SGK3: variants seen among roughly 807,000 people sequenced by gnomAD.
The protein encoded by SGK3 is serum/glucocorticoid regulated kinase family member 3, also known as serine/threonine-protein kinase Sgk3.
A neutral mutation model predicts 68.5 loss-of-function variants in SGK3; 47 were observed. The observed-to-expected ratio is 0.69, with a 90% confidence interval of 0.54 to 0.87. The LOEUF (loss-of-function observed/expected upper bound fraction) is 0.87, where lower values mean the gene tolerates loss of function less well. Among genes scored for constraint, SGK3 ranks in the 40% least tolerant of loss-of-function variants. SGK3 has a pLI of 0.00. For synonymous variants in SGK3, 181 were observed against 189.1 expected, an observed-to-expected ratio of 0.96 and a Z score of 0.35; for missense variants, 479 against 575.5, an observed-to-expected ratio of 0.83 and a Z score of 1.72.
intron 13 of SGK3, among the ~76,000 whole-genome samples, chr8:66,841,628 A>G (rs145410432): frequency 2.0e-5 from 3 of 152,324 alleles, no homozygotes; most frequent in Admixed American, 6.5e-5. Flanking sequence ...ACACTTGACT[A>G]TATCTCAGTT....
chr8:66,844,408 T>C (rs1043869374), intron 14 of SGK3, among the ~76,000 whole-genome samples: 1 of 152,196 alleles, frequency 6.6e-6, no homozygotes, highest in Non-Finnish European at 1.5e-5. Context: ...TTTGCCCAGT[T>C]CTTATTTAGT....
chr8:66,715,557 C>A (rs1054450981), intron 1 of SGK3, among the ~76,000 whole-genome samples: 4 of 152,174 alleles, frequency 2.6e-5, no homozygotes, highest in Admixed American at 1.3e-4. Context: ...CTGGCCACAG[C>A]TTTCTTATCT....
In SGK3 at chr8:66,800,383, T is replaced by C. The variant is rs1428783294; in HGVS notation, c.180+1758T>C. On this transcript the variant is annotated intron_variant, in intron 3 of 16. Transcript: ENST00000521198. ...GGGGGGGGAGTTTTTTCATTTCTTT[T>C]TTTTTTTTTTTTTTTATTATACTTT... 2.0e-4 allele frequency among the ~76,000 whole-genome samples: 29 copies of C among 146,696 alleles called. No individual in the cohort carries two copies. In the South Asian group the frequency reaches 2.3e-3, roughly 12 times the overall value.
intron 4 of SGK3, among the ~76,000 whole-genome samples, chr8:66,807,304 A>C (rs147494395): frequency 0.011 from 1,662 of 152,272 alleles, 35 homozygotes; most frequent in African/African-American, 0.037. Flanking sequence ...ATGAGACTTG[A>C]ACTTGGGTTG....
At chr8:66,854,808 G>GTCC (rs1447598534) in intron 16 of SGK3, among the ~76,000 whole-genome samples, 1 of 152,096 alleles carries the variant, frequency 6.6e-6, no homozygotes, top group Non-Finnish European at 1.5e-5. Flanking sequence ...ATTGTGTTAG[G>GTCC]TCCTTGATAT....
intron 1 of SGK3, among the ~76,000 whole-genome samples, chr8:66,778,355 G>C (rs1462132406): frequency 6.6e-6 from 1 of 152,150 alleles, no homozygotes; most frequent in African/African-American, 2.4e-5. Context: ...GTGAAGTGGT[G>C]GCGCGATCTC....
intron 1 of SGK3, chr8:66,790,809 C>T (rs768223981): frequency 6.6e-6 from 1 of 151,238 alleles, no homozygotes; most frequent in African/African-American, 2.5e-5. Flanking sequence ...CACCTGCACT[C>T]CATCCTGTGA....
chr8:66,828,962 T>TGG (rs893096517), intron 7 of SGK3, among the ~76,000 whole-genome samples: 18 of 51,094 alleles, frequency 3.5e-4, no homozygotes, highest in East Asian at 6.7e-4. Flanking sequence ...GGTGGGTGGG[T>TGG]GGGGGGTGTG....
At chr8:66,750,832 C>T (rs1805791673) in intron 1 of SGK3, among the ~76,000 whole-genome samples, 1 of 149,490 alleles carries the variant, frequency 6.7e-6, no homozygotes, top group Admixed American at 6.7e-5. Context: ...TGGCAAAACC[C>T]CATCTCTACC....
At chr8:66,761,880 A>G (rs1472316301) in intron 1 of SGK3, among the ~76,000 whole-genome samples, 1 of 152,244 alleles carries the variant, frequency 6.6e-6, no homozygotes, top group South Asian at 2.1e-4. Flanking sequence ...TCATAAGCCT[A>G]CTGCCCCGTT....
At chr8:66,787,327 A>T (rs1238396593) in intron 1 of SGK3, among the ~76,000 whole-genome samples, 1 of 152,144 alleles carries the variant, frequency 6.6e-6, no homozygotes, top group African/African-American at 2.4e-5. Flanking sequence ...ATTCAAAACA[A>T]ATTGTTATAC....
At chr8:66,843,365 C>T in intron 13 of SGK3, 87 bp from the exon 14 acceptor site, 1 of 1,367,906 alleles carries the variant, frequency 7.3e-7, no homozygotes, top group Non-Finnish European at 1.0e-6. Flanking sequence ...ATAGCAACAA[C>T]TAAAATTTGT....
chr8:66,817,020 G>A lies in SGK3; in HGVS notation c.329+3092G>A, dbSNP rs186010102. ...TAATTTTTGTATTTTTAGTAGAGGC[G>A]GGGTTTCATCAATGGGCCAGGCTGG... On this transcript the variant is annotated intron_variant, in intron 5 of 16. Coordinates refer to ENST00000521198, the MANE Select transcript of SGK3 (RefSeq NM_001033578.3). Among the ~76,000 whole-genome samples the A allele has an allele frequency of 5.9e-5, 9 of 151,558 alleles. No individual in the cohort carries two copies. The East Asian group carries it at 8.0e-4, about 13-fold the overall frequency.
chr8:66,737,825 A>C (rs1206864331), intron 1 of SGK3, among the ~76,000 whole-genome samples: 2 of 151,910 alleles, frequency 1.3e-5, no homozygotes, highest in Non-Finnish European at 2.9e-5. Flanking sequence ...CATGTTGCCC[A>C]AGCTGGTCTT....
chr8:66,730,194 A>G lies in SGK3; in HGVS notation c.-122+17361A>G, dbSNP rs180782583. Among the ~76,000 whole-genome samples, 73 of 152,084 alleles carry G rather than the reference A, an allele frequency of 4.8e-4. 1 individual carries two copies. Among genetic ancestry groups the G allele is most frequent in the African/African-American group, 1.4e-3 (58 of 41,490 alleles). ...ATATTTCATTGTAGTTTTGATTTGC[A>G]TTTTCTGAAAGTCTATTGATGTTGA... is the stretch of plus-strand genomic sequence containing the variant. On this transcript the variant is annotated intron_variant, in intron 1 of 16. Coordinates refer to ENST00000521198, the MANE Select transcript of SGK3 (RefSeq NM_001033578.3).
At chr8:66,851,521 A>C (rs1454980018) in intron 16 of SGK3, among the ~76,000 whole-genome samples, 1 of 151,640 alleles carries the variant, frequency 6.6e-6, no homozygotes, top group Non-Finnish European at 1.5e-5. Context: ...ACCCTGTCTC[A>C]AAATAAAATT....
chr8:66,791,647 A>G (rs914477561), intron 1 of SGK3, among the ~76,000 whole-genome samples: 1 of 152,212 alleles, frequency 6.6e-6, no homozygotes, highest in African/African-American at 2.4e-5. Context: ...ACAGCAAGGC[A>G]CAAACAGATA....
At chr8:66,733,426 G>A (rs983951891) in intron 1 of SGK3, among the ~76,000 whole-genome samples, 1 of 152,192 alleles carries the variant, frequency 6.6e-6, no homozygotes, top group African/African-American at 2.4e-5. Context: ...AATGTCCAAA[G>A]GAGTAAATGT....
intron 5 of SGK3, among the ~76,000 whole-genome samples, chr8:66,815,154 A>G (rs898421731): frequency 9.2e-5 from 14 of 152,228 alleles, no homozygotes; most frequent in African/African-American, 3.1e-4. Context: ...GAGGCCTTCT[A>G]CTATTCTGAA....
Sources: allele counts gnomAD v4.1 joint callset (sites outside exome capture counted in the v4.1 genomes callset), GRCh38; gene constraint gnomAD v4.1.1; transcripts MANE v1.5; gene names NCBI Gene and HGNC (gene_info 2026-07-23, HGNC 2026-07-21).